The following ERBB4 variants were observed in gnomAD, a reference collection of about 807,000 sequenced individuals.
ERBB4 encodes erb-b2 receptor tyrosine kinase 4, also known as receptor tyrosine-protein kinase erbB-4.
Under a neutral mutation model 158.0 loss-of-function variants are expected in ERBB4, and 42 were observed. The observed-to-expected ratio is 0.27, with a 90% CI of 0.21 to 0.34. The LOEUF (loss-of-function observed/expected upper bound fraction) is 0.34. ERBB4 is among the 10% of genes least tolerant of loss of function. The pLI is 1.00. For synonymous variants in ERBB4, 583 were observed against 558.7 expected (o/e 1.04, Z -0.61); for missense variants, 1,333 against 1,624.1 (o/e 0.82, Z 3.08).
At chr2:211,421,708 A>T (rs572546267) in intron 24 of ERBB4, among the ~76,000 whole-genome samples, 2 of 151,616 alleles carry the variant, frequency 1.3e-5, no homozygotes, top group East Asian at 3.9e-4. Flanking sequence ...CTTACACATA[A>T]TGTTAATAAA....
chr2:211,742,838 C>G (rs1331698597), intron 5 of ERBB4, among the ~76,000 whole-genome samples: 1 of 151,574 alleles, frequency 6.6e-6, no homozygotes, highest in Non-Finnish European at 1.5e-5. Context: ...GAAAAAAATA[C>G]AGTGCTTATC....
At chr2:211,424,097 T>G in intron 23 of ERBB4, 58 bp downstream of exon 23, 2 of 1,485,580 alleles carry the variant, frequency 1.3e-6, no homozygotes, top group Non-Finnish European at 9.4e-7. Context: ...GATTGAGTAA[T>G]CTCTGCTATT....
intron 3 of ERBB4, among the ~76,000 whole-genome samples, chr2:211,793,374 T>G (rs2076318257): frequency 6.6e-6 from 1 of 151,884 alleles, no homozygotes; most frequent in Admixed American, 6.6e-5. Context: ...CAGGTCAACC[T>G]TAGAATTAAA....
chr2:211,584,844 T>G (rs2068215555), intron 19 of ERBB4, among the ~76,000 whole-genome samples: 2 of 151,998 alleles, frequency 1.3e-5, no homozygotes, highest in Admixed American at 6.6e-5. Flanking sequence ...TTATTTTGTT[T>G]TCTTCCTCCT....
At chr2:212,291,843 A>G (rs1204058903) in intron 1 of ERBB4, among the ~76,000 whole-genome samples, 6 of 152,080 alleles carry the variant, frequency 3.9e-5, no homozygotes, top group African/African-American at 7.2e-5. Flanking sequence ...TGCAGGATGT[A>G]TAACTCTATT....
At chr2:211,744,764 T>G (rs571970388) in intron 5 of ERBB4, among the ~76,000 whole-genome samples, 1 of 152,234 alleles carries the variant, frequency 6.6e-6, no homozygotes, top group African/African-American at 2.4e-5. Context: ...CTATGAAATA[T>G]ATGCGTCACT....
chr2:211,815,033 C>A (rs184495759), intron 3 of ERBB4, among the ~76,000 whole-genome samples: 1 of 152,142 alleles, frequency 6.6e-6, no homozygotes, highest in African/African-American at 2.4e-5. Context: ...AATAATACCT[C>A]TTTTTCCTCT....
chr2:211,537,493 T>C (rs1374772922), intron 20 of ERBB4, among the ~76,000 whole-genome samples: 1 of 151,996 alleles, frequency 6.6e-6, no homozygotes, highest in Non-Finnish European at 1.5e-5. Context: ...TGTTAAGTCA[T>C]TCGTTCTCTT....
At position 212,366,659 on chromosome 2, in the gene ERBB4, CAT is replaced by C. The variant is rs572988645; in HGVS notation, c.82+171788_82+171789del. Reference sequence around the variant, plus strand: ...TCCCATAAGACAATCACCAATAAAACATAAGATACATAACTTAGAGCACTTGA... The same window carrying C: ...TCCCATAAGACAATCACCAATAAAACAAGATACATAACTTAGAGCACTTGA... On this transcript the variant is annotated intron_variant, in intron 1 of 27. Transcript: ENST00000342788. Among the ~76,000 whole-genome samples the C allele has an allele frequency of 1.2e-3, 176 of 151,984 alleles. 3 individuals are homozygous for C. The highest frequency in any genetic ancestry group is 3.4e-3 in the Middle Eastern group (1 of 294).
intron 1 of ERBB4, among the ~76,000 whole-genome samples, chr2:212,282,831 T>G (rs2085808843): frequency 6.6e-6 from 1 of 151,934 alleles, no homozygotes; most frequent in South Asian, 2.1e-4. Context: ...GGATGTTGCC[T>G]TACGTGTTCA....
rs116356550 is a variant in ERBB4, at chr2:212,241,969, T to C, written c.83-117066A>G. 4.9e-3 allele frequency among the ~76,000 whole-genome samples: 739 copies of C among 150,698 alleles called. 7 individuals carry two copies. Among genetic ancestry groups the C allele is most frequent in the Middle Eastern group, 0.019 (5 of 268 alleles). ...GTCCACTAGAAATAGGAGTCATAAT[T>C]TGATGAATGAAAAAAAATTCAAATA... On this transcript the variant is annotated intron_variant, in intron 1 of 27. Transcript: ENST00000342788.
intron 3 of ERBB4, among the ~76,000 whole-genome samples, chr2:211,918,131 G>A (rs1167863151): frequency 6.6e-6 from 1 of 152,122 alleles, no homozygotes; most frequent in Non-Finnish European, 1.5e-5. Flanking sequence ...AATACAAATG[G>A]AGCTGATTTA....
intron 12 of ERBB4, among the ~76,000 whole-genome samples, chr2:211,699,391 A>T (rs2073149219): frequency 6.6e-6 from 1 of 152,188 alleles, no homozygotes; most frequent in Admixed American, 6.5e-5. Context: ...TTTAAAATGA[A>T]GCAAGCATTT....
rs555566603 is a variant in ERBB4, at chr2:211,562,080, C to A, written c.2310G>T (p.Leu770=). 1.9e-5 allele frequency: 30 copies of A among 1,613,120 alleles called. No homozygotes were observed. The South Asian group carries it at 3.2e-4, about 17-fold the overall frequency. ...KANVEFMDEA[L]IMASMDHPHL... The stretch of plus-strand genomic sequence containing the variant: ...GTGGATGATCCATACTTGCCATGAT[C>A]AGAGCTTCCTGTAAGAAAAAAATGC... Residue 770 remains leucine (L), a synonymous_variant, in exon 20 of 28, where the codon CTG becomes CTT. Transcript: ENST00000342788.
At chr2:212,389,637 G>C (rs140847600) in intron 1 of ERBB4, among the ~76,000 whole-genome samples, 224 of 152,036 alleles carry the variant, frequency 1.5e-3, no homozygotes, top group Non-Finnish European at 2.7e-3. Context: ...ATAACAGTGA[G>C]TAAAACTTAC....
intron 25 of ERBB4, among the ~76,000 whole-genome samples, chr2:211,410,329 AATC>A (rs1214525514): frequency 6.6e-6 from 1 of 152,142 alleles, no homozygotes; most frequent in Non-Finnish European, 1.5e-5. Flanking sequence ...TGAGGAGTAA[AATC>A]ATTGTGATTT....
intron 20 of ERBB4, among the ~76,000 whole-genome samples, chr2:211,532,265 T>C (rs1357399285): frequency 6.6e-6 from 1 of 152,054 alleles, no homozygotes; most frequent in African/African-American, 2.4e-5. Flanking sequence ...TAATTGTACA[T>C]TTTAAAGTAA....
chr2:211,589,610 C>G (rs1260175519), intron 19 of ERBB4, among the ~76,000 whole-genome samples: 1 of 151,982 alleles, frequency 6.6e-6, no homozygotes, highest in Non-Finnish European at 1.5e-5. Flanking sequence ...GAGCAGAAAC[C>G]TGATTAAGTA....
At chr2:211,852,636 C>CTTTTTT (rs10640429) in intron 3 of ERBB4, among the ~76,000 whole-genome samples, 1,796 of 138,770 alleles carry the variant, frequency 0.013, 35 homozygotes, top group African/African-American at 0.041. Flanking sequence ...CAATGGCCAA[C>CTTTTTT]TTTTTTTTTT....
Sources: allele counts gnomAD v4.1 joint callset (sites outside exome capture counted in the v4.1 genomes callset), GRCh38; gene constraint gnomAD v4.1.1; transcripts MANE v1.5; gene names NCBI Gene and HGNC (gene_info 2026-07-23, HGNC 2026-07-21).